Variants in CMIP observed in about 807,000 individuals in gnomAD.
CMIP encodes C-Maf-inducing protein.
In CMIP, 13 loss-of-function variants were observed where a neutral mutation model predicts 97.3. That is an observed-to-expected ratio of 0.13 (90% CI 0.09 to 0.21). CMIP has a LOEUF of 0.21. CMIP is among the 10% of genes least tolerant of loss of function. CMIP has a pLI of 1.00. For synonymous variants in CMIP, 538 were observed against 436.3 expected, an observed-to-expected ratio of 1.23 and a Z score of -2.91; for missense variants, 847 against 1,024.9, an observed-to-expected ratio of 0.83 and a Z score of 2.37.
At chr16:81,608,613 C>A (rs778955249) in intron 2 of CMIP, among the ~76,000 whole-genome samples, 2 of 152,116 alleles carry the variant, frequency 1.3e-5, no homozygotes, top group Non-Finnish European at 2.9e-5. Context: ...TCAGGCAAGG[C>A]CCAGGTCTCG....
rs929624121 is a variant in CMIP at position 81,453,196 on chromosome 16, G to A, written c.300+7655G>A. 2.6e-5 allele frequency among the ~76,000 whole-genome samples: 4 copies of A among 152,166 alleles called. No homozygotes were observed. Among genetic ancestry groups the A allele is most frequent in the Admixed American group, 6.5e-5 (1 of 15,274 alleles). On this transcript the variant is annotated intron_variant, in intron 1 of 20. Coordinates refer to ENST00000537098, the MANE Select transcript of CMIP (RefSeq NM_198390.3). This position sits in a 1 kb window ranked among gnomAD's most constrained non-coding sequence, Gnocchi z 4.0. ...TGCCTTCCCATGGCATCCTTTGTTC[G>A]TGGCTCTACTGCTTTCAAGCTACTG...
At chr16:81,604,404 A>AAG (rs2091707893) in intron 1 of CMIP, among the ~76,000 whole-genome samples, 1 of 148,998 alleles carries the variant, frequency 6.7e-6, no homozygotes, top group African/African-American at 2.5e-5. Flanking sequence ...CTCAAAAAAA[A>AAG]AAAAAAAAAA....
intron 1 of CMIP, among the ~76,000 whole-genome samples, chr16:81,484,826 A>T (rs1439975777): frequency 3.3e-5 from 5 of 151,344 alleles, no homozygotes; most frequent in Non-Finnish European, 7.4e-5. Context: ...CATTCATTTA[A>T]CTCTTGGCTT....
At chr16:81,536,910 C>G (rs1473315165) in intron 1 of CMIP, among the ~76,000 whole-genome samples, 1 of 152,200 alleles carries the variant, frequency 6.6e-6, no homozygotes, top group East Asian at 1.9e-4. Flanking sequence ...GTACCCCACC[C>G]CCTGCCCTGC....
chr16:81,625,672 C>A (rs2092051094), intron 3 of CMIP, among the ~76,000 whole-genome samples: 1 of 152,234 alleles, frequency 6.6e-6, no homozygotes, highest in Non-Finnish European at 1.5e-5. Context: ...ACAAGTCTGT[C>A]CATGTGAACA....
intron 1 of CMIP, among the ~76,000 whole-genome samples, chr16:81,469,695 G>C (rs1468420625): frequency 6.6e-6 from 1 of 152,186 alleles, no homozygotes; most frequent in African/African-American, 2.4e-5. Flanking sequence ...AACTCACTAT[G>C]TGTGACATTG....
intron 1 of CMIP, among the ~76,000 whole-genome samples, chr16:81,590,699 T>G (rs938383359): frequency 1.3e-5 from 2 of 152,228 alleles, no homozygotes; most frequent in African/African-American, 4.8e-5. Context: ...GATGTCTCAG[T>G]AGGACCCAGT....
intron 20 of CMIP, among the ~76,000 whole-genome samples, chr16:81,708,973 A>G (rs1908458844): frequency 6.6e-6 from 1 of 152,170 alleles, no homozygotes. Flanking sequence ...GTTGGGAGGG[A>G]GGATGTAAAG....
chr16:81,481,383 G>A (rs944173192), intron 1 of CMIP, among the ~76,000 whole-genome samples: 14 of 152,342 alleles, frequency 9.2e-5, no homozygotes, highest in African/African-American at 3.4e-4. Flanking sequence ...TGAGGACAGG[G>A]CCGCTCAGGA....
At chr16:81,686,120 G>A (rs1007891097) in intron 10 of CMIP, among the ~76,000 whole-genome samples, 1 of 152,194 alleles carries the variant, frequency 6.6e-6, no homozygotes, top group Non-Finnish European at 1.5e-5. Context: ...ATGGGCTGAC[G>A]CATGGGAGCC....
chr16:81,474,170 T>G (rs1403881021), intron 1 of CMIP, among the ~76,000 whole-genome samples: 1 of 152,066 alleles, frequency 6.6e-6, no homozygotes, highest in Admixed American at 6.6e-5. Flanking sequence ...TGTACTCAGG[T>G]TCCCCCCTGC....
At chr16:81,569,060 A>G (rs1294440916) in intron 1 of CMIP, among the ~76,000 whole-genome samples, 2 of 152,188 alleles carry the variant, frequency 1.3e-5, no homozygotes, top group South Asian at 2.1e-4. Context: ...TTTAAATAAG[A>G]TCGTACATTT....
intron 1 of CMIP, among the ~76,000 whole-genome samples, chr16:81,538,488 G>T (rs11644696): frequency 1.1e-4 from 17 of 152,178 alleles, no homozygotes; most frequent in African/African-American, 3.4e-4. Flanking sequence ...GGGCCAGCCT[G>T]TGTCTCCATG....
At chr16:81,706,362 C>T (rs778213571) in intron 19 of CMIP, among the ~76,000 whole-genome samples, 5 of 152,192 alleles carry the variant, frequency 3.3e-5, no homozygotes, top group Non-Finnish European at 2.9e-5. Context: ...TGACTCCTAC[C>T]GGGCCGCTGG....
Position 81,461,047 on chromosome 16 carries a change from C to T in CMIP, c.300+15506C>T, listed in dbSNP as rs181910114. Among the ~76,000 whole-genome samples, 555 of 152,310 alleles carry T rather than the reference C, an allele frequency of 3.6e-3. 5 individuals carry two copies. The highest frequency in any genetic ancestry group is 0.012 in the African/African-American group (516 of 41,570). ...TCCCGCCCAGGTTTGAGCCCAGATG[C>T]GAGGTTACCACGCTTCCTGGTGAGG... On this transcript the variant is annotated intron_variant, in intron 1 of 20. Coordinates refer to ENST00000537098, the MANE Select transcript of CMIP (RefSeq NM_198390.3).
intron 1 of CMIP, among the ~76,000 whole-genome samples, chr16:81,537,215 A>C (rs2090359534): frequency 6.6e-6 from 1 of 152,136 alleles, no homozygotes; most frequent in South Asian, 2.1e-4. Context: ...GTGTCGGGGC[A>C]TCCTGAGAAA....
chr16:81,666,976 G>C (rs562515297), intron 7 of CMIP: 1 of 151,812 alleles, frequency 6.6e-6, no homozygotes, highest in East Asian at 1.9e-4. Flanking sequence ...GTGTGGGGGG[G>C]GGGTCATGTC....
chr16:81,573,645 G>T (rs191143924), intron 1 of CMIP, among the ~76,000 whole-genome samples: 33 of 152,284 alleles, frequency 2.2e-4, no homozygotes, highest in Non-Finnish European at 7.4e-5. Flanking sequence ...GGTTGGGGGA[G>T]GGGGAGGTCT....
At chr16:81,545,452 C>A (rs1253038571) in intron 1 of CMIP, among the ~76,000 whole-genome samples, 1 of 152,154 alleles carries the variant, frequency 6.6e-6, no homozygotes, top group Non-Finnish European at 1.5e-5. Context: ...ACAACAGTGA[C>A]AACATCAGTA....
Sources: gnomAD v4.1 joint callset for allele counts (sites outside exome capture counted in the v4.1 genomes callset) on GRCh38, gnomAD v4.1.1 for gene constraint, Gnocchi (gnomAD v3.1) non-coding constraint, MANE v1.5 for transcripts, NCBI Gene and HGNC (gene_info 2026-07-23, HGNC 2026-07-21) for gene names.